Variants in PRAG1 observed in about 807,000 individuals in gnomAD.
The protein encoded by PRAG1 is PEAK1 related, kinase-activating pseudokinase 1.
PRAG1 carries 110 observed loss-of-function variants against 95.6 expected under a neutral mutation model. The ratio of observed to expected loss-of-function variants is 1.15; its 90% CI spans 0.99 to 1.35. The LOEUF is 1.35. Ranked by LOEUF, PRAG1 falls within the 40% of genes most tolerant of loss-of-function variation. The pLI is 0.00. For synonymous variants in PRAG1, 1,052 were observed against 819.4 expected, an observed-to-expected ratio of 1.28 and a Z score of -4.85; for missense variants, 2,554 against 1,864.7, an observed-to-expected ratio of 1.37 and a Z score of -6.81.
Position 8,318,772 on chromosome 8 carries a change from C to T in PRAG1, c.3603G>A (p.Pro1201=). 1 of 1,555,906 alleles carries T rather than the reference C, an allele frequency of 6.4e-7. No individual in the cohort carries two copies. Among genetic ancestry groups the T allele is most frequent in the African/African-American group, 1.4e-5 (1 of 73,028 alleles). Residue 1201 remains proline, a synonymous_variant, in exon 6 of 6, where the codon CCG becomes CCA. Coordinates refer to ENST00000615670, the MANE Select transcript of PRAG1 (RefSeq NM_001080826.3). This position sits in a 1 kb window ranked among gnomAD's most constrained non-coding sequence, Gnocchi z 4.2. ...GCAGCTGCTTCTCCCGGGGCCCTTC[C>T]GGGGAGGCGGGGCCGGCTGCGGGGC... ...TLSPAAGPAS[P]EGPREKQLPR...
chr8:8,339,112 G>GAGAC (rs1799083922), intron 4 of PRAG1, among the ~76,000 whole-genome samples: 1 of 152,090 alleles, frequency 6.6e-6, no homozygotes, highest in Admixed American at 6.6e-5. Context: ...GAGAGAGAGA[G>GAGAC]AGAGAGAGAA....
chr8:8,360,511 C>T (rs1348388495), intron 3 of PRAG1, among the ~76,000 whole-genome samples: 1 of 152,198 alleles, frequency 6.6e-6, no homozygotes, highest in African/African-American at 2.4e-5. Context: ...AAAAGATTTT[C>T]ACTTTCTGCC....
chr8:8,385,172 A>G (rs952568838), intron 1 of PRAG1, among the ~76,000 whole-genome samples: 24 of 152,224 alleles, frequency 1.6e-4, no homozygotes, highest in African/African-American at 5.5e-4. Flanking sequence ...AGTTAAATTA[A>G]TGCAACGCCA....
In PRAG1 at chr8:8,376,657, C is replaced by T. The variant is rs2116933229; in HGVS notation, c.1752G>A (p.Gly584=). The T allele has an allele frequency of 6.2e-7, 1 of 1,609,630 alleles. No individual in the cohort carries two copies. Among genetic ancestry groups the T allele is most frequent in the Non-Finnish European group, 8.5e-7 (1 of 1,178,614 alleles). Reference sequence around the variant, plus strand: ...CAGGACCTTGGGATGGAGGCTGGGGCCCAATGCTGCTGCCGCCAGAGCTCC... The same window carrying T: ...CAGGACCTTGGGATGGAGGCTGGGGTCCAATGCTGCTGCCGCCAGAGCTCC... ...SDGSSGGSSI[G]PQPPSQGPAD... is the part of the protein sequence containing the mutation. The change falls in exon 3 of 6, where the codon GGG becomes GGA. Residue 584 remains glycine (G), a synonymous_variant. Coordinates refer to ENST00000615670, the MANE Select transcript of PRAG1 (RefSeq NM_001080826.3).
intron 3 of PRAG1, 81 bp from the exon 4 acceptor site, chr8:8,339,716 C>A: frequency 3.5e-6 from 5 of 1,425,570 alleles, no homozygotes; most frequent in Non-Finnish European, 4.8e-6. Context: ...ATGAACTTAC[C>A]ATGCTCTTGA....
chr8:8,339,724 T>G (rs1799106122), intron 3 of PRAG1, 89 bp from the exon 4 acceptor site: 1 of 1,332,048 alleles, frequency 7.5e-7, no homozygotes, highest in Non-Finnish European at 1.0e-6. Flanking sequence ...ACCATGCTCT[T>G]GAAACCTGGC....
chr8:8,318,776 G>A lies in PRAG1; in HGVS notation c.3599C>T (p.Ser1200Phe), dbSNP rs763452274. 2.2e-5 allele frequency: 35 copies of A among 1,557,802 alleles called. No homozygotes were observed. The African/African-American group carries it at 4.2e-4, about 19-fold the overall frequency. ...CTGCTTCTCCCGGGGCCCTTCCGGG[G>A]AGGCGGGGCCGGCTGCGGGGCTGAG... is the stretch of plus-strand genomic sequence containing the variant. ...GTLSPAAGPASPEGPREKQLP... is the reference protein window; with the variant it reads ...GTLSPAAGPAFPEGPREKQLP... Residue 1200 changes from serine (S) to phenylalanine (F), a missense_variant, in exon 6 of 6, where the codon TCC (serine) becomes TTC (phenylalanine). Ser to Phe is a radical substitution (Grantham distance 155). Transcript: ENST00000615670. This position sits in a 1 kb window ranked among gnomAD's most constrained non-coding sequence, Gnocchi z 4.2.
chr8:8,337,010 C>G (rs1009945040), intron 4 of PRAG1, among the ~76,000 whole-genome samples: 1 of 151,362 alleles, frequency 6.6e-6, no homozygotes, highest in Non-Finnish European at 1.5e-5. Context: ...TCATGATATG[C>G]CCTGGAATGA....
chr8:8,342,079 C>T (rs747088933), intron 3 of PRAG1, among the ~76,000 whole-genome samples: 2 of 151,620 alleles, frequency 1.3e-5, no homozygotes, highest in African/African-American at 2.4e-5. Flanking sequence ...TGCAGTGAGC[C>T]GAGATGGTGC....
chr8:8,326,296 A>G (rs1341345528), intron 5 of PRAG1, among the ~76,000 whole-genome samples: 1 of 150,616 alleles, frequency 6.6e-6, no homozygotes, highest in Non-Finnish European at 1.5e-5. Context: ...ATTATTTTTA[A>G]AATGTTAGCA....
chr8:8,326,342 C>T (rs1465536035), intron 5 of PRAG1, among the ~76,000 whole-genome samples: 1 of 151,294 alleles, frequency 6.6e-6, no homozygotes, highest in Non-Finnish European at 1.5e-5. Flanking sequence ...AGCAAGCTAC[C>T]CCACCAAGGC....
At chr8:8,379,371 C>A (rs919677777) in intron 2 of PRAG1, among the ~76,000 whole-genome samples, 2 of 152,206 alleles carry the variant, frequency 1.3e-5, no homozygotes, top group South Asian at 4.1e-4. Flanking sequence ...TTTACCCCCA[C>A]TTTTAGAAGC....
intron 3 of PRAG1, among the ~76,000 whole-genome samples, chr8:8,372,752 G>A (rs972202356): frequency 2.0e-5 from 3 of 152,162 alleles, no homozygotes; most frequent in Admixed American, 1.3e-4. Context: ...TTCAAAACAG[G>A]ACCACAGGAA....
chr8:8,338,330 C>T (rs1158853581), intron 4 of PRAG1, among the ~76,000 whole-genome samples: 4 of 152,304 alleles, frequency 2.6e-5, no homozygotes, highest in African/African-American at 7.2e-5. Flanking sequence ...GCCTGACACC[C>T]GCTGGTTGGT....
chr8:8,350,248 G>A (rs1799479456), intron 3 of PRAG1, among the ~76,000 whole-genome samples: 1 of 152,180 alleles, frequency 6.6e-6, no homozygotes, highest in African/African-American at 2.4e-5. Flanking sequence ...GGGTATCCAG[G>A]TGCGGAGGTT....
At chr8:8,362,517 G>C (rs969683640) in intron 3 of PRAG1, among the ~76,000 whole-genome samples, 3 of 152,142 alleles carry the variant, frequency 2.0e-5, no homozygotes, top group Admixed American at 6.5e-5. Flanking sequence ...CCCAACCCCT[G>C]AGGCCACTGC....
chr8:8,356,949 C>T (rs574769033), intron 3 of PRAG1, among the ~76,000 whole-genome samples: 13 of 152,210 alleles, frequency 8.5e-5, no homozygotes, highest in Non-Finnish European at 1.8e-4. Flanking sequence ...GTCTTTTCAA[C>T]GAATGGTGCT....
chr8:8,347,603 A>G (rs187282332), intron 3 of PRAG1, among the ~76,000 whole-genome samples: 3 of 152,294 alleles, frequency 2.0e-5, no homozygotes, highest in African/African-American at 7.2e-5. Context: ...TTAACTTATC[A>G]TATGCCTGTG....
At chr8:8,363,979 T>G (rs1799925844) in intron 3 of PRAG1, among the ~76,000 whole-genome samples, 1 of 152,210 alleles carries the variant, frequency 6.6e-6, no homozygotes, top group South Asian at 2.1e-4. Flanking sequence ...TCATAACATT[T>G]TACTTACCTA....
Sources: gnomAD v4.1 joint callset for allele counts (sites outside exome capture counted in the v4.1 genomes callset) on GRCh38, gnomAD v4.1.1 for gene constraint, Gnocchi (gnomAD v3.1) non-coding constraint, MANE v1.5 for transcripts, NCBI Gene and HGNC (gene_info 2026-07-23, HGNC 2026-07-21) for gene names.